PDE1C: variants seen among roughly 807,000 people sequenced by gnomAD.
PDE1C encodes the protein dual specificity calcium/calmodulin-dependent 3',5'-cyclic nucleotide phosphodiesterase 1C.
A neutral mutation model predicts 93.1 loss-of-function variants in PDE1C; 62 were observed. That is an observed-to-expected ratio of 0.67 (90% CI 0.54 to 0.82). The LOEUF (loss-of-function observed/expected upper bound fraction) is 0.82. Among genes scored for constraint, PDE1C ranks in the 40% least tolerant of loss-of-function variants. The pLI is 0.00. For synonymous variants in PDE1C, 325 were observed against 310.1 expected (o/e 1.05, Z -0.50); for missense variants, 742 against 884.6 (o/e 0.84, Z 2.04).
intron 2 of PDE1C, among the ~76,000 whole-genome samples, chr7:32,176,516 A>G (rs758462077): frequency 1.1e-4 from 16 of 142,332 alleles, no homozygotes; most frequent in Non-Finnish European, 1.7e-4. Context: ...TTAATATTCA[A>G]ATATATAGTT....
chr7:31,847,341 C>T (rs1267732415), intron 9 of PDE1C, among the ~76,000 whole-genome samples: 3 of 152,040 alleles, frequency 2.0e-5, no homozygotes, highest in African/African-American at 4.8e-5. Context: ...CAGGTATGTG[C>T]CTAAATCCAA....
chr7:32,179,549 G>A lies in PDE1C; in HGVS notation c.137-9593C>T, dbSNP rs574150359. Among the ~76,000 whole-genome samples the A allele has an allele frequency of 2.9e-3, 443 of 152,304 alleles. 5 individuals are homozygous for A. Among genetic ancestry groups the A allele is most frequent in the Non-Finnish European group, 5.6e-3 (379 of 68,034 alleles). On this transcript the variant is annotated intron_variant, in intron 2 of 18. Coordinates refer to the PDE1C transcript ENST00000396193. ...GCTGGCATTACAGGCCTGACTTACT[G>A]TCTTGCATGCAGCAGTTTGCAGCTT...
the PDE1C span, among the ~76,000 whole-genome samples, chr7:31,739,546 G>A: frequency 8.5e-4 from 129 of 152,280 alleles, 3 homozygotes; most frequent in East Asian, 0.023. Flanking sequence ...GCTAGGATAT[G>A]CACTTAATCC....
At chr7:32,085,434 A>ACTT (rs1797008033) in intron 3 of PDE1C, among the ~76,000 whole-genome samples, 1 of 148,436 alleles carries the variant, frequency 6.7e-6, no homozygotes, top group Admixed American at 6.7e-5. Context: ...ACAAGGAGGA[A>ACTT]CTGGTACCAT....
intron 2 of PDE1C, among the ~76,000 whole-genome samples, chr7:32,187,617 A>G (rs1584928004): frequency 6.8e-6 from 1 of 147,716 alleles, no homozygotes. Flanking sequence ...GGTGCTCAAT[A>G]CTTCTTTAAC....
At position 32,420,390 on chromosome 7, in the gene PDE1C, T is replaced by TAC. The variant is rs151136144; in HGVS notation, c.310+7431_310+7432insGT. 1.5e-4 allele frequency among the ~76,000 whole-genome samples: 7 copies of TAC among 46,456 alleles called. 1 individual carries two copies. The highest frequency in any genetic ancestry group is 2.7e-4 in the Non-Finnish European group (6 of 21,940). The allele number at this position is 46,456 out of a possible 152,430, so 30.5% of individuals were successfully genotyped here. On this transcript the variant is annotated intron_variant, in intron 1 of 1. Transcript: ENST00000672256. ...GTGTATATATATGTGTATATATATA[T>TAC]ATACACACACACACACACACACACA... is the stretch of plus-strand genomic sequence containing the variant.
chr7:32,313,579 A>T (rs1783102423), intron 1 of PDE1C, among the ~76,000 whole-genome samples: 1 of 152,122 alleles, frequency 6.6e-6, no homozygotes, highest in Non-Finnish European at 1.5e-5. Context: ...AGCCATAAAA[A>T]AGGATGAGTT....
In PDE1C at chr7:32,175,839, C is replaced by T. The variant is rs115794274; in HGVS notation, c.137-5883G>A. Among the ~76,000 whole-genome samples, 1,369 of 152,286 alleles carry T rather than the reference C, an allele frequency of 9.0e-3. 25 individuals carry two copies. Among genetic ancestry groups the T allele is most frequent in the African/African-American group, 0.031 (1,288 of 41,560 alleles). On this transcript the variant is annotated intron_variant, in intron 2 of 18. Coordinates refer to the PDE1C transcript ENST00000396193. The stretch of plus-strand genomic sequence containing the variant: ...TTACAATACTGTAAATTGGAGAAAA[C>T]TGATAGCAACACAAATGAATCTTGT...
At chr7:31,718,437 CT>C in the PDE1C span, among the ~76,000 whole-genome samples, 1 of 152,170 alleles carries the variant, frequency 6.6e-6, no homozygotes, top group Non-Finnish European at 1.5e-5. Context: ...CTGGCCCTCT[CT>C]GGACGTAAGA....
At chr7:32,372,194 C>T (rs1040336903) in intron 1 of PDE1C, among the ~76,000 whole-genome samples, 2 of 151,866 alleles carry the variant, frequency 1.3e-5, no homozygotes, top group African/African-American at 4.8e-5. Context: ...GCTGGGATTA[C>T]AGGCACCTGC....
At chr7:31,701,073 C>T in the PDE1C span, among the ~76,000 whole-genome samples, 1 of 152,144 alleles carries the variant, frequency 6.6e-6, no homozygotes, top group Non-Finnish European at 1.5e-5. Context: ...AGTCTTGTTA[C>T]TTAAGAAATA....
intron 1 of PDE1C, among the ~76,000 whole-genome samples, chr7:32,334,274 G>C (rs1020106910): frequency 6.6e-6 from 1 of 151,994 alleles, no homozygotes; most frequent in Non-Finnish European, 1.5e-5. Context: ...TTTAATTTTG[G>C]ATTAATATGT....
intron 3 of PDE1C, among the ~76,000 whole-genome samples, chr7:32,110,336 T>A (rs554301618): frequency 5.9e-5 from 9 of 152,290 alleles, no homozygotes; most frequent in Admixed American, 5.2e-4. Context: ...GCCTCCGTTT[T>A]TAAAACCATC....
At chr7:32,232,587 G>C (rs1272619386) in intron 1 of PDE1C, among the ~76,000 whole-genome samples, 2 of 152,172 alleles carry the variant, frequency 1.3e-5, no homozygotes, top group African/African-American at 2.4e-5. Flanking sequence ...TAAAAGCAGA[G>C]CCTCAGGGAC....
At chr7:32,157,133 G>A (rs148608880) in intron 3 of PDE1C, among the ~76,000 whole-genome samples, 2 of 152,290 alleles carry the variant, frequency 1.3e-5, no homozygotes, top group African/African-American at 4.8e-5. Context: ...CAAAATGTCA[G>A]TGTCATGAAA....
intron 2 of PDE1C, among the ~76,000 whole-genome samples, chr7:32,040,489 C>T (rs900051844): frequency 1.3e-5 from 2 of 152,136 alleles, no homozygotes; most frequent in African/African-American, 2.4e-5. Flanking sequence ...CAAATACCCT[C>T]GTAGGGCCAA....
chr7:31,632,547 C>T, the PDE1C span, among the ~76,000 whole-genome samples: 2 of 152,198 alleles, frequency 1.3e-5, no homozygotes, highest in Non-Finnish European at 2.9e-5. Context: ...CTAAACCATT[C>T]ACTTAGGTTT....
intron 2 of PDE1C, among the ~76,000 whole-genome samples, chr7:32,039,097 T>A (rs542460213): frequency 5.0e-4 from 76 of 152,240 alleles, no homozygotes; most frequent in African/African-American, 1.7e-3. Context: ...ATTAAGTACC[T>A]TCATTCCCAA....
intron 2 of PDE1C, among the ~76,000 whole-genome samples, chr7:32,046,480 C>T (rs956714880): frequency 1.3e-5 from 2 of 152,150 alleles, no homozygotes; most frequent in Admixed American, 1.3e-4. Flanking sequence ...GCACTTACCA[C>T]ATTTTATTAT....
Sources: allele counts gnomAD v4.1 joint callset (sites outside exome capture counted in the v4.1 genomes callset), GRCh38; gene constraint gnomAD v4.1.1; transcripts MANE v1.5; gene names NCBI Gene and HGNC (gene_info 2026-07-23, HGNC 2026-07-21).